The following PCDHGA12 variants were observed in gnomAD, a reference collection of about 807,000 sequenced individuals.
PCDHGA12 encodes protocadherin gamma-A12.
In PCDHGA12, 43 loss-of-function variants were observed where a neutral mutation model predicts 61.1. That is an observed-to-expected ratio of 0.70 (90% CI 0.55 to 0.91). PCDHGA12 has a LOEUF of 0.91. PCDHGA12 is among the 40% of genes least tolerant of loss of function. The pLI is 0.00. For synonymous variants in PCDHGA12, 520 were observed against 542.9 expected, an observed-to-expected ratio of 0.96 and a Z score of 0.59; for missense variants, 1,236 against 1,227.7, an observed-to-expected ratio of 1.01 and a Z score of -0.10.
At position 141,491,422 on chromosome 5, in the gene PCDHGA12, G is replaced by T. The variant is rs1413549196; in HGVS notation, c.2425-3385G>T. 1 of 1,614,112 alleles carries T rather than the reference G, an allele frequency of 6.2e-7. No homozygotes were observed. The stretch of plus-strand genomic sequence containing the variant: ...AAACGCAGACGGGGACGGGGGTGGA[G>T]GGCAGTGCTGCAGGCGCCAGGACTC... On this transcript the variant is annotated intron_variant, in intron 1 of 3. Coordinates refer to ENST00000252085, the MANE Select transcript of PCDHGA12 (RefSeq NM_003735.3). The surrounding 1 kb of genome is among the most constrained non-coding windows in gnomAD (Gnocchi z 6.9).
rs767330174 is a variant in PCDHGA12, at chr5:141,491,818, C to T, written c.2425-2989C>T. The T allele has an allele frequency of 1.6e-5, 24 of 1,481,560 alleles. No homozygotes were observed. The highest frequency in any genetic ancestry group is 1.9e-5 in the Non-Finnish European group (21 of 1,116,446). 91.8% of individuals were successfully genotyped at this position (1,481,560 alleles called of 1,614,324 possible). A position where few individuals can be genotyped will look rare whatever the true frequency, so the allele number is the denominator to read the frequency against. On this transcript the variant is annotated intron_variant, in intron 1 of 3. Transcript: ENST00000252085. This position sits in a 1 kb window ranked among gnomAD's most constrained non-coding sequence, Gnocchi z 6.9. ...CTCCGGCCGGCTTGGTCGCTGGCTGCGCTCCACCCGATTCTCGGGATCATT... is the reference window on the plus strand; with the variant it reads ...CTCCGGCCGGCTTGGTCGCTGGCTGTGCTCCACCCGATTCTCGGGATCATT...
intron 1 of PCDHGA12, among the ~76,000 whole-genome samples, chr5:141,454,596 G>C (rs1184158084): frequency 1.3e-5 from 2 of 151,324 alleles, no homozygotes; most frequent in Non-Finnish European, 2.9e-5. Flanking sequence ...AGTAGAGACA[G>C]GGTTTCTCCA....
chr5:141,467,788 A>G (rs2099151778), intron 1 of PCDHGA12, among the ~76,000 whole-genome samples: 1 of 152,020 alleles, frequency 6.6e-6, no homozygotes. Flanking sequence ...CCTCTCAAGT[A>G]GCTGGGACTA....
intron 1 of PCDHGA12, among the ~76,000 whole-genome samples, chr5:141,451,908 G>A (rs899191624): frequency 3.9e-5 from 6 of 152,046 alleles, no homozygotes; most frequent in African/African-American, 7.2e-5. Context: ...AAGGGAGGGA[G>A]GGAGGAAGGA....
At chr5:141,508,737 C>G (rs919094477) in intron 3 of PCDHGA12, among the ~76,000 whole-genome samples, 2 of 152,010 alleles carry the variant, frequency 1.3e-5, no homozygotes, top group Non-Finnish European at 2.9e-5. Flanking sequence ...CTACACCCCC[C>G]ACCCCGCTCT....
At position 141,487,148 on chromosome 5, in the gene PCDHGA12, G is replaced by A; in HGVS notation, c.2425-7659G>A. ...TGGTAGTCCACCACTCTCTACCTCT[G>A]TTACTCTCTTAGTGTCCTTAGAGGA... On this transcript the variant is annotated intron_variant, in intron 1 of 3. Transcript: ENST00000252085. This position sits in a 1 kb window ranked among gnomAD's most constrained non-coding sequence, Gnocchi z 5.0. The A allele has an allele frequency of 6.2e-7, 1 of 1,614,042 alleles. No homozygotes were observed. The highest frequency in any genetic ancestry group is 8.5e-7 in the Non-Finnish European group (1 of 1,179,922).
rs1199756501 is a variant in PCDHGA12 at position 141,493,222 on chromosome 5, C to A, written c.2425-1585C>A. Among the ~76,000 whole-genome samples the A allele has an allele frequency of 6.6e-6, 1 of 152,194 alleles. No individual in the cohort carries two copies. Among genetic ancestry groups the A allele is most frequent in the East Asian group, 1.9e-4 (1 of 5,196 alleles). ...ACCTCATCTCATTTGCTCTTCCCAC[C>A]ATTGCTGTTGGCTAGGTACTAACAT... On this transcript the variant is annotated intron_variant, in intron 1 of 3. Coordinates refer to ENST00000252085, the MANE Select transcript of PCDHGA12 (RefSeq NM_003735.3). This position sits in a 1 kb window ranked among gnomAD's most constrained non-coding sequence, Gnocchi z 4.3.
At chr5:141,495,270 G>A (rs1428903664) in intron 2 of PCDHGA12, among the ~76,000 whole-genome samples, 1 of 152,178 alleles carries the variant, frequency 6.6e-6, no homozygotes, top group African/African-American at 2.4e-5. Context: ...GCATTTGACC[G>A]GAGGAGGCGG....
chr5:141,431,648 A>G lies in PCDHGA12; in HGVS notation c.889A>G (p.Asn297Asp). 2 of 1,614,240 alleles carry G rather than the reference A, an allele frequency of 1.2e-6. No individual in the cohort carries two copies. The highest frequency in any genetic ancestry group is 1.7e-6 in the Non-Finnish European group (2 of 1,180,046). The change falls in exon 1 of 4, where the codon AAT becomes GAT. Residue 297 changes from asparagine (N) to aspartate (D), a missense_variant. Asn to Asp is a conservative substitution (Grantham distance 23). Transcript: ENST00000252085. The surrounding 1 kb of genome is among the most constrained non-coding windows in gnomAD (Gnocchi z 4.8). ...GGCCCAAGTTTTCAAACTAGATTGT[A>G]ATTCAGGGACAATATCAACAATAGG... The part of the protein sequence containing the change: ...KAAQVFKLDC[N>D]SGTISTIGEL...
Position 141,511,202 on chromosome 5 carries a change from C to A in PCDHGA12, c.*29C>A. On this transcript the variant is annotated 3_prime_UTR_variant, in exon 4 of 4. Transcript: ENST00000252085. ...GGAGGCCAGGCCAAGAGCCACAGGG[C>A]GGCCTCTCCCCAACCAGCCCAGCTT... The A allele has an allele frequency of 6.2e-7, 1 of 1,612,136 alleles. No individual in the cohort carries two copies.
intron 2 of PCDHGA12, among the ~76,000 whole-genome samples, chr5:141,496,467 TC>T (rs1289225541): frequency 1.3e-5 from 2 of 152,176 alleles, no homozygotes; most frequent in Admixed American, 1.3e-4. Flanking sequence ...GAGTTATCTT[TC>T]CCCCATCCTG....
chr5:141,458,698 T>C (rs1258294275), intron 1 of PCDHGA12, among the ~76,000 whole-genome samples: 1 of 152,054 alleles, frequency 6.6e-6, no homozygotes, highest in East Asian at 1.9e-4. Context: ...GCCTCCCGAG[T>C]AGCTGGGATT....
chr5:141,489,335 G>T lies in PCDHGA12; in HGVS notation c.2425-5472G>T. On this transcript the variant is annotated intron_variant, in intron 1 of 3. Transcript: ENST00000252085. This position sits in a 1 kb window ranked among gnomAD's most constrained non-coding sequence, Gnocchi z 4.5. ...TGGGGCTGGGTGTCTGGGCAGCTTC[G>T]TTACTCAGTGGTGGAGGAGTCTGAG... 1.2e-6 allele frequency: 2 copies of T among 1,607,364 alleles called. No individual in the cohort carries two copies. The highest frequency in any genetic ancestry group is 1.7e-6 in the Non-Finnish European group (2 of 1,175,842).
intron 1 of PCDHGA12, among the ~76,000 whole-genome samples, chr5:141,445,609 T>A (rs900534761): frequency 1.3e-5 from 2 of 152,220 alleles, no homozygotes; most frequent in African/African-American, 4.8e-5. Flanking sequence ...CAAGGAAGGC[T>A]TTCTTTTTTT....
intron 1 of PCDHGA12, chr5:141,478,106 G>T: frequency 6.2e-7 from 1 of 1,614,046 alleles, no homozygotes; most frequent in Non-Finnish European, 8.5e-7. Flanking sequence ...TACCCTCACT[G>T]TGTCAGTAAC....
chr5:141,431,215 CCCTCTACCCCACG>C lies in PCDHGA12; in HGVS notation c.460_472del (p.Leu154GlyfsTer39). The C allele has an allele frequency of 6.2e-7, 1 of 1,614,184 alleles. No homozygotes were observed. Among genetic ancestry groups the C allele is most frequent in the Non-Finnish European group, 8.5e-7 (1 of 1,180,048 alleles). On this transcript the variant is annotated frameshift_variant, in exon 1 of 4. Transcript: ENST00000252085. LOFTEE classifies it high-confidence loss of function. The surrounding 1 kb of genome is among the most constrained non-coding windows in gnomAD (Gnocchi z 4.8). ...AAAATGCAGCCACTGAGATGCGGTT[CCCTCTACCCCACG>C]CCTGGGATCCGGATATCGGGAAGAA... is the stretch of plus-strand genomic sequence containing the variant.
chr5:141,439,556 C>A (rs543620281), intron 1 of PCDHGA12, among the ~76,000 whole-genome samples: 1 of 152,268 alleles, frequency 6.6e-6, no homozygotes, highest in East Asian at 1.9e-4. Context: ...CTTCAGGCTG[C>A]AGTTCTAGAG....
intron 2 of PCDHGA12, among the ~76,000 whole-genome samples, chr5:141,500,928 G>A (rs2099803943): frequency 6.6e-6 from 1 of 151,476 alleles, no homozygotes; most frequent in African/African-American, 2.4e-5. Context: ...GGGTGCAGTG[G>A]CGCCATCTCG....
At chr5:141,502,139 C>G (rs923501238) in intron 2 of PCDHGA12, among the ~76,000 whole-genome samples, 1 of 152,104 alleles carries the variant, frequency 6.6e-6, no homozygotes, top group Non-Finnish European at 1.5e-5. Flanking sequence ...TCAGTCGGGC[C>G]GGAAGTAAGG....
Sources: gnomAD v4.1 joint callset for allele counts (sites outside exome capture counted in the v4.1 genomes callset) on GRCh38, gnomAD v4.1.1 for gene constraint, Gnocchi (gnomAD v3.1) non-coding constraint, MANE v1.5 for transcripts, NCBI Gene and HGNC (gene_info 2026-07-23, HGNC 2026-07-21) for gene names.